Variants in GLIS3 observed in about 807,000 individuals in gnomAD.
GLIS3 encodes GLIS family zinc finger 3, also known as zinc finger protein GLIS3.
Under a neutral mutation model 78.6 loss-of-function variants are expected in GLIS3, and 53 were observed. The ratio of observed to expected loss-of-function variants is 0.67; its 90% confidence interval spans 0.54 to 0.85. The LOEUF (loss-of-function observed/expected upper bound fraction) is 0.85, where lower values mean the gene tolerates loss of function less well. Among genes scored for constraint, GLIS3 ranks in the 40% least tolerant of loss-of-function variants. The pLI is 0.00. For missense variants in GLIS3, 1,703 were observed against 1,231.1 expected, an observed-to-expected ratio of 1.38 and a Z score of -5.74; for synonymous variants, 684 against 509.9, an observed-to-expected ratio of 1.34 and a Z score of -4.60.
intron 8 of GLIS3, among the ~76,000 whole-genome samples, chr9:3,875,009 A>G (rs942814527): frequency 2.0e-5 from 3 of 152,198 alleles, no homozygotes; most frequent in African/African-American, 7.2e-5. Flanking sequence ...ATGAGCAAAC[A>G]CAAACTCAGA....
At chr9:4,223,312 T>C (rs1821492871) in intron 2 of GLIS3, among the ~76,000 whole-genome samples, 1 of 152,212 alleles carries the variant, frequency 6.6e-6, no homozygotes, top group South Asian at 2.1e-4. Context: ...AGTTATTTAA[T>C]CTGGTGGGTG....
the GLIS3 span, among the ~76,000 whole-genome samples, chr9:4,378,346 T>A: frequency 6.6e-6 from 1 of 152,166 alleles, no homozygotes; most frequent in African/African-American, 2.4e-5. Flanking sequence ...TATTCAATGT[T>A]TATCAGAAAT....
intron 2 of GLIS3, among the ~76,000 whole-genome samples, chr9:4,219,037 G>C (rs993750867): frequency 3.9e-5 from 6 of 152,182 alleles, no homozygotes; most frequent in Non-Finnish European, 7.4e-5. Flanking sequence ...ATATAAGTAA[G>C]AGCCCAATGA....
intron 7 of GLIS3, among the ~76,000 whole-genome samples, chr9:3,887,149 T>G (rs931906610): frequency 1.3e-4 from 20 of 152,214 alleles, no homozygotes; most frequent in Admixed American, 9.2e-4. Context: ...CACTTTGCAG[T>G]GTAGACTATC....
intron 3 of GLIS3, among the ~76,000 whole-genome samples, chr9:4,310,095 A>G (rs1175046218): frequency 1.3e-5 from 2 of 151,100 alleles, no homozygotes; most frequent in Admixed American, 1.3e-4. Context: ...CTGGATTTCC[A>G]TATCAGGATT....
intron 2 of GLIS3, among the ~76,000 whole-genome samples, chr9:4,254,638 A>C (rs968580876): frequency 2.6e-5 from 4 of 152,120 alleles, no homozygotes; most frequent in Admixed American, 1.3e-4. Context: ...TCAGGAGTTC[A>C]AGACCAGCCT....
intron 2 of GLIS3, among the ~76,000 whole-genome samples, chr9:4,225,406 T>G (rs1821686471): frequency 6.6e-6 from 1 of 152,196 alleles, no homozygotes; most frequent in Admixed American, 6.5e-5. Context: ...TGGAAAATTT[T>G]TTAACCATTA....
chr9:4,023,127 T>C (rs1563957807), intron 4 of GLIS3, among the ~76,000 whole-genome samples: 1 of 152,238 alleles, frequency 6.6e-6, no homozygotes, highest in Non-Finnish European at 1.5e-5. Flanking sequence ...ATTTACATAT[T>C]GAACTCCAGT....
intron 2 of GLIS3, among the ~76,000 whole-genome samples, chr9:4,340,338 G>A (rs1817816703): frequency 7.3e-6 from 1 of 137,824 alleles, no homozygotes; most frequent in Non-Finnish European, 1.5e-5. Context: ...TGCCATGACT[G>A]ATGTCATCTG....
intron 6 of GLIS3, among the ~76,000 whole-genome samples, chr9:3,912,255 T>A (rs949696553): frequency 6.6e-6 from 1 of 152,204 alleles, no homozygotes; most frequent in African/African-American, 2.4e-5. Context: ...TCTTAGTAAC[T>A]CACTGGGCTC....
intron 2 of GLIS3, among the ~76,000 whole-genome samples, chr9:4,128,691 G>C (rs912806899): frequency 6.6e-6 from 1 of 152,088 alleles, no homozygotes; most frequent in Non-Finnish European, 1.5e-5. Context: ...AAGTCAGTGG[G>C]GGTAGTAATT....
At chr9:4,042,482 G>A (rs1158297454) in intron 4 of GLIS3, among the ~76,000 whole-genome samples, 4 of 152,088 alleles carry the variant, frequency 2.6e-5, no homozygotes, top group Non-Finnish European at 4.4e-5. Context: ...ACACTTACTC[G>A]TCTGTTTTTA....
intron 6 of GLIS3, among the ~76,000 whole-genome samples, chr9:3,923,237 G>A (rs1448708807): frequency 1.3e-5 from 2 of 152,120 alleles, no homozygotes; most frequent in Non-Finnish European, 2.9e-5. Context: ...TCACAGATCT[G>A]ACCACTGTAT....
chr9:4,379,081 G>C, the GLIS3 span, among the ~76,000 whole-genome samples: 2 of 152,204 alleles, frequency 1.3e-5, no homozygotes, highest in Admixed American at 1.3e-4. Context: ...GCAGCCTCTC[G>C]GCCGTGTCGT....
rs148830612 is a variant in GLIS3 at position 4,053,934 on chromosome 9, G to A, written c.1710+63834C>T. The stretch of plus-strand genomic sequence containing the variant: ...GTAAAGACAGTTTGCTTCAGGCTTT[G>A]AGTTTTGTTCTGTTTTGTTTATCAA... On this transcript the variant is annotated intron_variant, in intron 4 of 10. Transcript: ENST00000381971. Among the ~76,000 whole-genome samples, 144 of 152,254 alleles carry A rather than the reference G, an allele frequency of 9.5e-4. 1 individual carries two copies. Among genetic ancestry groups the A allele is most frequent in the African/African-American group, 3.1e-3 (127 of 41,552 alleles).
intron 2 of GLIS3, among the ~76,000 whole-genome samples, chr9:4,198,993 T>C (rs1404959452): frequency 6.6e-6 from 1 of 152,098 alleles, no homozygotes; most frequent in Non-Finnish European, 1.5e-5. Context: ...AAATAAAATC[T>C]TTTCCAAACA....
intron 6 of GLIS3, among the ~76,000 whole-genome samples, chr9:3,904,581 A>G (rs1823533898): frequency 6.6e-6 from 1 of 152,146 alleles, no homozygotes; most frequent in Non-Finnish European, 1.5e-5. Context: ...CTACCATATG[A>G]CCGTTTGTTT....
At chr9:4,141,542 G>C (rs1213926320) in intron 2 of GLIS3, among the ~76,000 whole-genome samples, 1 of 152,174 alleles carries the variant, frequency 6.6e-6, no homozygotes. Context: ...TGTCACCTTG[G>C]TAGTGTATCA....
At chr9:4,347,724 G>GT (rs1423402566) in intron 1 of GLIS3, among the ~76,000 whole-genome samples, 2 of 151,988 alleles carry the variant, frequency 1.3e-5, no homozygotes, top group East Asian at 1.9e-4. Context: ...TTTTGGTTTG[G>GT]TTTTTTTGAG....
Sources: gnomAD v4.1 joint callset for allele counts (sites outside exome capture counted in the v4.1 genomes callset) on GRCh38, gnomAD v4.1.1 for gene constraint, MANE v1.5 for transcripts, NCBI Gene and HGNC (gene_info 2026-07-23, HGNC 2026-07-21) for gene names.